AUTS2: variants seen among roughly 807,000 people sequenced by gnomAD.
The protein encoded by AUTS2 is activator of transcription and developmental regulator AUTS2, also known as autism susceptibility gene 2 protein.
A neutral mutation model predicts 112.4 loss-of-function variants in AUTS2; 17 were observed. That is an observed-to-expected ratio of 0.15 (90% confidence interval 0.10 to 0.23). The LOEUF is 0.23. Ranked by LOEUF, AUTS2 falls within the 10% of genes least tolerant of loss-of-function variation. The pLI is 1.00. For synonymous variants in AUTS2, 751 were observed against 702.7 expected, an observed-to-expected ratio of 1.07 and a Z score of -1.09; for missense variants, 1,510 against 1,701.6, an observed-to-expected ratio of 0.89 and a Z score of 1.98.
intron 4 of AUTS2, among the ~76,000 whole-genome samples, chr7:70,408,649 C>T (rs1185983540): frequency 2.0e-5 from 3 of 152,258 alleles, no homozygotes; most frequent in Non-Finnish European, 4.4e-5. Flanking sequence ...AATTACTTCC[C>T]CCACCACCTC....
intron 4 of AUTS2, among the ~76,000 whole-genome samples, chr7:70,257,094 A>G (rs1460991882): frequency 6.6e-6 from 1 of 152,058 alleles, no homozygotes; most frequent in Non-Finnish European, 1.5e-5. Context: ...TTACAGGTCT[A>G]ATTGTGTGGC....
At position 69,927,623 on chromosome 7, in the gene AUTS2, C is replaced by T. The variant is rs118106008; in HGVS notation, c.522+28125C>T. ...GCTTGTGCTACCAACCTCGGTCCTA[C>T]GCCAAGGGTGAGCCACATGCAGAGT... is the stretch of plus-strand genomic sequence containing the variant. On this transcript the variant is annotated intron_variant, in intron 2 of 18. Coordinates refer to ENST00000342771, the MANE Select transcript of AUTS2 (RefSeq NM_015570.4). 1.4e-3 allele frequency among the ~76,000 whole-genome samples: 217 copies of T among 152,314 alleles called. 4 individuals are homozygous for T. The East Asian group carries it at 0.033, about 23-fold the overall frequency.
intron 4 of AUTS2, among the ~76,000 whole-genome samples, chr7:70,280,270 T>C (rs990026654): frequency 1.3e-5 from 2 of 151,608 alleles, no homozygotes; most frequent in Non-Finnish European, 2.9e-5. Flanking sequence ...TTTTTTTTTC[T>C]TTTTTCTTTC....
intron 1 of AUTS2, among the ~76,000 whole-genome samples, chr7:69,861,035 AC>A (rs1289447604): frequency 6.6e-6 from 1 of 152,032 alleles, no homozygotes; most frequent in Non-Finnish European, 1.5e-5. Context: ...AACAAAGCCC[AC>A]CTCACAGGCA....
chr7:70,720,128 C>T (rs183377216), intron 6 of AUTS2, among the ~76,000 whole-genome samples: 83 of 152,138 alleles, frequency 5.5e-4, no homozygotes, highest in Non-Finnish European at 1.0e-3. Context: ...AAATCTGAAT[C>T]GTTACTCCAC....
intron 5 of AUTS2, among the ~76,000 whole-genome samples, chr7:70,478,019 C>T (rs1797647640): frequency 6.6e-6 from 1 of 152,114 alleles, no homozygotes. Flanking sequence ...GGAAGAATTG[C>T]TGTGACTGTC....
chr7:69,937,284 T>G (rs1037825235), intron 2 of AUTS2, among the ~76,000 whole-genome samples: 6 of 152,124 alleles, frequency 3.9e-5, no homozygotes, highest in Non-Finnish European at 5.9e-5. Flanking sequence ...GTTAAGAGAT[T>G]AAGAAGTAGA....
intron 4 of AUTS2, among the ~76,000 whole-genome samples, chr7:70,278,239 T>G (rs778118140): frequency 2.0e-5 from 3 of 152,206 alleles, no homozygotes; most frequent in Non-Finnish European, 2.9e-5. Context: ...TGTGAATGTT[T>G]GTACATAATA....
intron 1 of AUTS2, among the ~76,000 whole-genome samples, chr7:69,762,937 G>A (rs1393507847): frequency 6.6e-6 from 1 of 151,960 alleles, no homozygotes; most frequent in Non-Finnish European, 1.5e-5. Context: ...ATGCTTTTTT[G>A]TTTGTGTGAA....
At chr7:69,833,433 A>T (rs563934932) in intron 1 of AUTS2, among the ~76,000 whole-genome samples, 37 of 152,240 alleles carry the variant, frequency 2.4e-4, no homozygotes, top group African/African-American at 8.9e-4. Flanking sequence ...CTATTATATT[A>T]TCTCAATTTT....
intron 2 of AUTS2, among the ~76,000 whole-genome samples, chr7:70,106,928 G>A (rs551766532): frequency 6.6e-6 from 1 of 150,734 alleles, no homozygotes; most frequent in Non-Finnish European, 1.5e-5. Context: ...TTTTATACTT[G>A]TTAGGTAAAA....
At chr7:70,521,619 A>G (rs1479605897) in intron 5 of AUTS2, among the ~76,000 whole-genome samples, 1 of 152,188 alleles carries the variant, frequency 6.6e-6, no homozygotes, top group Admixed American at 6.5e-5. Context: ...TAATCACTTT[A>G]CTACTGAAGT....
intron 4 of AUTS2, among the ~76,000 whole-genome samples, chr7:70,223,268 G>A (rs1189237271): frequency 6.6e-6 from 1 of 152,102 alleles, no homozygotes; most frequent in Non-Finnish European, 1.5e-5. Flanking sequence ...AAATAAGTAG[G>A]CAGCATTTAA....
chr7:69,957,150 A>G (rs1250434197), intron 2 of AUTS2, among the ~76,000 whole-genome samples: 1 of 149,154 alleles, frequency 6.7e-6, no homozygotes, highest in Non-Finnish European at 1.5e-5. Flanking sequence ...TTCTGGTATT[A>G]CATGTGGGAG....
intron 4 of AUTS2, among the ~76,000 whole-genome samples, chr7:70,181,076 C>CT (rs1396683041): frequency 6.6e-6 from 1 of 152,004 alleles, no homozygotes; most frequent in Non-Finnish European, 1.5e-5. Context: ...TCTTTATGTG[C>CT]TTTTTTAACT....
chr7:70,141,655 A>G (rs1562733608), intron 4 of AUTS2, among the ~76,000 whole-genome samples: 1 of 152,028 alleles, frequency 6.6e-6, no homozygotes, highest in Non-Finnish European at 1.5e-5. Flanking sequence ...ATTCTGACAG[A>G]CTCCTCCACG....
intron 1 of AUTS2, among the ~76,000 whole-genome samples, chr7:69,608,755 G>A (rs189585107): frequency 4.8e-4 from 73 of 152,304 alleles, no homozygotes; most frequent in Middle Eastern, 3.4e-3. Context: ...GTCCTGGACC[G>A]TGCTTTTCTA....
intron 1 of AUTS2, among the ~76,000 whole-genome samples, chr7:69,607,112 T>A (rs1329922328): frequency 6.6e-6 from 1 of 152,222 alleles, no homozygotes; most frequent in Non-Finnish European, 1.5e-5. Context: ...TGACTGCCCC[T>A]GCTTGTTTAG....
At chr7:70,674,576 G>A (rs991135972) in intron 5 of AUTS2, among the ~76,000 whole-genome samples, 6 of 152,192 alleles carry the variant, frequency 3.9e-5, no homozygotes, top group Admixed American at 6.5e-5. Context: ...ACGCGATCCC[G>A]CGGCACCTGG....
Sources: allele counts gnomAD v4.1 joint callset (sites outside exome capture counted in the v4.1 genomes callset), GRCh38; gene constraint gnomAD v4.1.1; transcripts MANE v1.5; gene names NCBI Gene and HGNC (gene_info 2026-07-23, HGNC 2026-07-21).